FBXW10B: variants seen among roughly 807,000 people sequenced by gnomAD.
The protein encoded by FBXW10B is F-box and WD repeat domain containing 10B.
chr17:15,566,665 G>A, the FBXW10B span, among the ~76,000 whole-genome samples: 150 of 151,874 alleles, frequency 9.9e-4, no homozygotes, highest in African/African-American at 3.4e-3. Flanking sequence ...GGTTCACGCC[G>A]TTTTCCTGCC....
the FBXW10B span, chr17:15,568,830 T>C: frequency 9.9e-6 from 12 of 1,214,656 alleles, 1 homozygote; most frequent in South Asian, 4.6e-4. Context: ...CTTCATCTGA[T>C]TACTCAACAG....
the FBXW10B span, chr17:15,566,263 A>T: frequency 6.2e-7 from 1 of 1,608,702 alleles, no homozygotes; most frequent in Non-Finnish European, 8.5e-7. Context: ...GTCAGGTGAC[A>T]TAGGGATTTT....
the FBXW10B span, among the ~76,000 whole-genome samples, chr17:15,584,967 TC>T: frequency 4.7e-5 from 4 of 84,970 alleles, no homozygotes; most frequent in African/African-American, 1.5e-4. Flanking sequence ...ACCTTCTTCT[TC>T]TTTTTTTTTT....
chr17:15,604,627 C>T, the FBXW10B span, among the ~76,000 whole-genome samples: 2 of 152,082 alleles, frequency 1.3e-5, no homozygotes, highest in African/African-American at 4.8e-5. Flanking sequence ...CTCCACCTCC[C>T]GGGTTCACAC....
At chr17:15,589,180 C>T in the FBXW10B span, 7 of 1,613,242 alleles carry the variant, frequency 4.3e-6, no homozygotes, top group Non-Finnish European at 5.1e-6. Context: ...TCCATTCCAT[C>T]CCACGTTAAT....
At chr17:15,605,794 G>A in the FBXW10B span, among the ~76,000 whole-genome samples, 1 of 151,502 alleles carries the variant, frequency 6.6e-6, no homozygotes. Flanking sequence ...GAAGTCCTGT[G>A]CACACTGTAT....
chr17:15,579,135 C>T, the FBXW10B span, among the ~76,000 whole-genome samples: 1 of 140,080 alleles, frequency 7.1e-6, no homozygotes, highest in South Asian at 2.1e-4. Context: ...AGAGATGGGA[C>T]CCCATTTCTT....
the FBXW10B span, among the ~76,000 whole-genome samples, chr17:15,601,252 A>G: frequency 1.3e-5 from 2 of 148,218 alleles, no homozygotes; most frequent in Admixed American, 6.7e-5. Flanking sequence ...TACTAAAAAT[A>G]CAAAAAATTA....
the FBXW10B span, among the ~76,000 whole-genome samples, chr17:15,588,027 A>C: frequency 6.6e-6 from 1 of 152,370 alleles, no homozygotes; most frequent in South Asian, 2.1e-4. Context: ...CTAGACTCTC[A>C]AAAAGCCTTT....
chr17:15,606,609 G>GTA, the FBXW10B span, among the ~76,000 whole-genome samples: 105 of 145,652 alleles, frequency 7.2e-4, 1 homozygote, highest in Middle Eastern at 3.2e-3. Context: ...ATATTTTTAT[G>GTA]TATATATATA....
the FBXW10B span, among the ~76,000 whole-genome samples, chr17:15,603,691 G>C: frequency 6.7e-6 from 1 of 150,254 alleles, no homozygotes; most frequent in Non-Finnish European, 1.5e-5. Context: ...CCCATACTAA[G>C]AATATACCTT....
the FBXW10B span, among the ~76,000 whole-genome samples, chr17:15,574,938 T>C: frequency 6.7e-6 from 1 of 148,672 alleles, no homozygotes; most frequent in African/African-American, 2.5e-5. Flanking sequence ...TTTTATATCA[T>C]CACTAGTAAC....
chr17:15,588,147 A>G, the FBXW10B span, among the ~76,000 whole-genome samples: 1 of 152,234 alleles, frequency 6.6e-6, no homozygotes, highest in Non-Finnish European at 1.5e-5. Context: ...ATTTGCATAA[A>G]TAACACTGTG....
the FBXW10B span, among the ~76,000 whole-genome samples, chr17:15,597,815 C>T: frequency 1.3e-5 from 2 of 152,192 alleles, no homozygotes; most frequent in East Asian, 1.9e-4. Context: ...CACTAACAGC[C>T]GGCGATGACT....
the FBXW10B span, chr17:15,605,209 T>C: frequency 6.3e-7 from 1 of 1,588,264 alleles, no homozygotes; most frequent in African/African-American, 1.4e-5. Context: ...TCATGATGTC[T>C]TTGGACTCCT....
At chr17:15,603,619 A>G in the FBXW10B span, among the ~76,000 whole-genome samples, 3 of 152,100 alleles carry the variant, frequency 2.0e-5, no homozygotes, top group Non-Finnish European at 4.4e-5. Flanking sequence ...ATATGCTGCC[A>G]ATGGGAATGT....
the FBXW10B span, among the ~76,000 whole-genome samples, chr17:15,605,834 A>G: frequency 6.7e-6 from 1 of 149,288 alleles, no homozygotes; most frequent in Non-Finnish European, 1.5e-5. Flanking sequence ...CCCTTAATCA[A>G]TATCCAGTGA....
the FBXW10B span, among the ~76,000 whole-genome samples, chr17:15,608,897 T>C: frequency 6.6e-6 from 1 of 152,256 alleles, no homozygotes; most frequent in Non-Finnish European, 1.5e-5. Context: ...GAAATCATTT[T>C]ATCAAGTCTT....
the FBXW10B span, among the ~76,000 whole-genome samples, chr17:15,586,369 C>T: frequency 6.6e-6 from 1 of 151,378 alleles, no homozygotes; most frequent in Non-Finnish European, 1.5e-5. Context: ...CAAGCGTTAG[C>T]ATAAATTTGA....
Sources: allele counts gnomAD v4.1 joint callset (sites outside exome capture counted in the v4.1 genomes callset), GRCh38; gene constraint gnomAD v4.1.1; transcripts MANE v1.5; gene names NCBI Gene and HGNC (gene_info 2026-07-23, HGNC 2026-07-21).